CFAP77: variants seen among roughly 807,000 people sequenced by gnomAD.
The protein encoded by CFAP77 is cilia and flagella associated protein 77, also known as cilia- and flagella-associated protein 77.
CFAP77 carries 25 observed loss-of-function variants against 31.1 expected under a neutral mutation model. That is an observed-to-expected ratio of 0.80 (90% confidence interval 0.59 to 1.12). The LOEUF is 1.12. CFAP77 is among the 50% of genes most tolerant of loss of function. CFAP77 has a pLI of 0.00. For synonymous variants in CFAP77, 151 were observed against 159.9 expected (o/e 0.94, Z 0.42); for missense variants, 377 against 397.3 (o/e 0.95, Z 0.44).
At chr9:132,519,820 A>G (rs976269871) in intron 3 of CFAP77, among the ~76,000 whole-genome samples, 1 of 26,830 alleles carries the variant, frequency 3.7e-5, no homozygotes, top group African/African-American at 3.3e-4. Flanking sequence ...GGGTGGATGG[A>G]TGGATGGATG....
chr9:132,523,926 G>A (rs1332154342), intron 3 of CFAP77, among the ~76,000 whole-genome samples: 2 of 152,200 alleles, frequency 1.3e-5, no homozygotes, highest in Non-Finnish European at 2.9e-5. Flanking sequence ...ATGAATGCAA[G>A]ATATTACAAG....
chr9:132,551,746 G>A (rs1852823408), intron 5 of CFAP77, among the ~76,000 whole-genome samples: 1 of 152,226 alleles, frequency 6.6e-6, no homozygotes, highest in Non-Finnish European at 1.5e-5. Context: ...GCTAGCATGT[G>A]GCCAGGTGGG....
At chr9:132,514,440 C>G (rs1197267589) in intron 3 of CFAP77, among the ~76,000 whole-genome samples, 1 of 152,244 alleles carries the variant, frequency 6.6e-6, no homozygotes, top group Non-Finnish European at 1.5e-5. Context: ...TCTGTGGGGT[C>G]TGCCATCCTC....
intron 3 of CFAP77, among the ~76,000 whole-genome samples, chr9:132,531,627 G>GGGGC (rs1554748486): frequency 6.9e-6 from 1 of 144,270 alleles, no homozygotes; most frequent in African/African-American, 2.6e-5. Context: ...CTAAGACATG[G>GGGGC]GGGGGGGGGC....
chr9:132,462,812 G>A (rs981818126), intron 1 of CFAP77, among the ~76,000 whole-genome samples: 38 of 149,060 alleles, frequency 2.5e-4, no homozygotes, highest in South Asian at 1.3e-3. Flanking sequence ...GCGAAACTCC[G>A]TCTCAAAATA....
intron 4 of CFAP77, among the ~76,000 whole-genome samples, chr9:132,542,599 C>A (rs1439965530): frequency 2.0e-5 from 3 of 152,232 alleles, no homozygotes; most frequent in African/African-American, 7.2e-5. Flanking sequence ...CCTGGGGACC[C>A]ACTGGGGCTG....
chr9:132,519,948 A>ATGGG (rs1852240791), intron 3 of CFAP77, among the ~76,000 whole-genome samples: 2 of 151,388 alleles, frequency 1.3e-5, no homozygotes, highest in Admixed American at 6.6e-5. Context: ...GGGTGGGTGG[A>ATGGG]TGGGTGGATG....
intron 1 of CFAP77, among the ~76,000 whole-genome samples, chr9:132,488,375 C>T (rs1208552046): frequency 1.3e-5 from 2 of 152,192 alleles, no homozygotes; most frequent in Non-Finnish European, 2.9e-5. Flanking sequence ...CCACTTTTCA[C>T]CTCTTCACTT....
chr9:132,410,523 G>C (rs1394058475), intron 1 of CFAP77, 57 bp downstream of exon 1: 1 of 1,439,616 alleles, frequency 6.9e-7, no homozygotes, highest in Non-Finnish European at 9.2e-7. Context: ...CACCTGCGCC[G>C]CCGGGGGTCC....
At chr9:132,533,400 T>C (rs999232873) in intron 3 of CFAP77, among the ~76,000 whole-genome samples, 7 of 151,898 alleles carry the variant, frequency 4.6e-5, no homozygotes, top group African/African-American at 1.7e-4. Flanking sequence ...AATGATTCTC[T>C]CACAATTCTG....
At chr9:132,436,454 T>G (rs138006432) in intron 1 of CFAP77, among the ~76,000 whole-genome samples, 2 of 152,254 alleles carry the variant, frequency 1.3e-5, no homozygotes, top group Admixed American at 1.3e-4. Context: ...TCACAGGTTC[T>G]GGGGACATAC....
At chr9:132,508,969 C>T (rs1054501425) in intron 3 of CFAP77, among the ~76,000 whole-genome samples, 6 of 152,092 alleles carry the variant, frequency 3.9e-5, no homozygotes, top group Non-Finnish European at 5.9e-5. Flanking sequence ...AGGCCCTGGG[C>T]GAGGAAGTCA....
At chr9:132,446,602 G>A (rs910873132) in intron 1 of CFAP77, among the ~76,000 whole-genome samples, 121 of 152,028 alleles carry the variant, frequency 8.0e-4, no homozygotes, top group African/African-American at 2.7e-3. Flanking sequence ...TTAGCTGGGC[G>A]TGGTGGTGGG....
chr9:132,471,975 G>A lies in CFAP77; in HGVS notation c.196-26720G>A, dbSNP rs140537844. On this transcript the variant is annotated intron_variant, in intron 1 of 5. Transcript: ENST00000393216. ...AATCTGCCTGCCTTGGGCTCCCAAA[G>A]TGCTTGGATTACAGGTGTGAGCCAC... Among the ~76,000 whole-genome samples the A allele has an allele frequency of 1.2e-3, 177 of 152,296 alleles. 2 individuals carry two copies. The highest frequency in any genetic ancestry group is 4.2e-3 in the African/African-American group (173 of 41,570).
intron 1 of CFAP77, among the ~76,000 whole-genome samples, chr9:132,457,286 G>A (rs1305299824): frequency 3.3e-5 from 4 of 119,934 alleles, no homozygotes; most frequent in South Asian, 3.1e-4. Flanking sequence ...ACAGGCGGCC[G>A]CATCTTAAGA....
At chr9:132,445,262 C>T (rs1455424891) in intron 1 of CFAP77, among the ~76,000 whole-genome samples, 1 of 152,222 alleles carries the variant, frequency 6.6e-6, no homozygotes, top group Non-Finnish European at 1.5e-5. Context: ...GTGTGAGCCA[C>T]TGTGCCTGGC....
At chr9:132,512,671 G>T (rs1278242364) in intron 3 of CFAP77, among the ~76,000 whole-genome samples, 1 of 152,260 alleles carries the variant, frequency 6.6e-6, no homozygotes, top group Non-Finnish European at 1.5e-5. Flanking sequence ...TATAGGCCAG[G>T]CGTGGTGGCT....
chr9:132,484,692 C>T (rs755353762), intron 1 of CFAP77, among the ~76,000 whole-genome samples: 3 of 151,258 alleles, frequency 2.0e-5, no homozygotes, highest in Non-Finnish European at 2.9e-5. Flanking sequence ...GCTATGAACA[C>T]GCAGGTACAT....
chr9:132,486,644 A>G (rs988073079), intron 1 of CFAP77, among the ~76,000 whole-genome samples: 1 of 152,158 alleles, frequency 6.6e-6, no homozygotes, highest in Non-Finnish European at 1.5e-5. Flanking sequence ...TTTCCCCCTC[A>G]TTCCCCTAAA....
Sources: allele counts gnomAD v4.1 joint callset (sites outside exome capture counted in the v4.1 genomes callset), GRCh38; gene constraint gnomAD v4.1.1; transcripts MANE v1.5; gene names NCBI Gene and HGNC (gene_info 2026-07-23, HGNC 2026-07-21).